The following RXRA variants were observed in gnomAD, a reference collection of about 807,000 sequenced individuals.
RXRA encodes retinoid X receptor alpha, also known as retinoic acid receptor RXR-alpha.
A neutral mutation model predicts 44.5 loss-of-function variants in RXRA; 5 were observed. That is an observed-to-expected ratio of 0.11 (90% CI 0.06 to 0.24). The LOEUF (loss-of-function observed/expected upper bound fraction) is 0.24. Ranked by LOEUF, RXRA falls within the 10% of genes least tolerant of loss-of-function variation. The pLI is 1.00. For missense variants in RXRA, 412 were observed against 646.5 expected, an observed-to-expected ratio of 0.64 and a Z score of 3.93; for synonymous variants, 291 against 271.4, an observed-to-expected ratio of 1.07 and a Z score of -0.71.
intron 1 of RXRA, among the ~76,000 whole-genome samples, chr9:134,381,227 G>A (rs1344156210): frequency 6.6e-6 from 1 of 152,194 alleles, no homozygotes; most frequent in Non-Finnish European, 1.5e-5. Context: ...GAAGAGGCAG[G>A]CGTATGGGAG....
Position 134,397,899 on chromosome 9 carries a change from G to T in RXRA, c.29-3733G>T, listed in dbSNP as rs12003995. On this transcript the variant is annotated intron_variant, in intron 1 of 9. Transcript: ENST00000481739. Reference sequence around the variant, plus strand: ...TCTGAGGCTGTCCCTGTGGTTTGGGGGTGAACCTGGAGGGCCACGGAAGTC... The same window carrying T: ...TCTGAGGCTGTCCCTGTGGTTTGGGTGTGAACCTGGAGGGCCACGGAAGTC... 6.4e-3 allele frequency among the ~76,000 whole-genome samples: 979 copies of T among 152,348 alleles called. 9 individuals are homozygous for T. Among genetic ancestry groups the T allele is most frequent in the Middle Eastern group, 0.024 (7 of 294 alleles).
intron 1 of RXRA, among the ~76,000 whole-genome samples, chr9:134,327,130 T>C (rs1348208346): frequency 6.6e-6 from 1 of 152,044 alleles, no homozygotes; most frequent in Non-Finnish European, 1.5e-5. Flanking sequence ...CCGCTGGCCC[T>C]TGGGTGTGTG....
intron 1 of RXRA, among the ~76,000 whole-genome samples, chr9:134,328,957 G>A (rs1220815378): frequency 1.3e-5 from 2 of 152,228 alleles, no homozygotes; most frequent in African/African-American, 2.4e-5. Flanking sequence ...AAGCAAGGCC[G>A]AGGGACTCGC....
intron 1 of RXRA, among the ~76,000 whole-genome samples, chr9:134,336,343 C>T (rs781833541): frequency 2.0e-5 from 3 of 152,320 alleles, no homozygotes; most frequent in Non-Finnish European, 2.9e-5. Flanking sequence ...CACCCCTTAG[C>T]GGCAACGTAG....
In RXRA at chr9:134,343,219, T is replaced by C. The variant is rs2119030859; in HGVS notation, c.28+16560T>C. On this transcript the variant is annotated intron_variant, in intron 1 of 9. Coordinates refer to ENST00000481739, the MANE Select transcript of RXRA (RefSeq NM_002957.6). This position sits in a 1 kb window ranked among gnomAD's most constrained non-coding sequence, Gnocchi z 4.1. Reference sequence around the variant, plus strand: ...GTGTCTCTCTCTCTGAGTGTCGACTTTCTCATCTGTGACGTGGGGTGAGGG... The same window carrying C: ...GTGTCTCTCTCTCTGAGTGTCGACTCTCTCATCTGTGACGTGGGGTGAGGG... Among the ~76,000 whole-genome samples the C allele has an allele frequency of 6.6e-6, 1 of 152,264 alleles. No individual in the cohort carries two copies. Among genetic ancestry groups the C allele is most frequent in the East Asian group, 1.9e-4 (1 of 5,164 alleles).
Position 134,401,837 on chromosome 9 carries a change from G to A in RXRA, c.234G>A (p.Ser78=), listed in dbSNP as rs1381254684. 7 of 1,612,416 alleles carry A rather than the reference G, an allele frequency of 4.3e-6. No individual in the cohort carries two copies. The highest frequency in any genetic ancestry group is 1.7e-4 in the Middle Eastern group (1 of 6,054). The change falls in exon 2 of 10, where the codon TCG becomes TCA. Residue 78 remains serine (S), a synonymous_variant. Coordinates refer to ENST00000481739, the MANE Select transcript of RXRA (RefSeq NM_002957.6). The part of the protein sequence containing the change: ...ISSPMGPHSM[S]VPTTPTLGFS... ...CCCCCATGGGCCCCCACTCCATGTC[G>A]GTGCCCACCACACCCACCCTGGGCT...
At chr9:134,370,073 T>G (rs1830471888) in intron 1 of RXRA, among the ~76,000 whole-genome samples, 1 of 151,996 alleles carries the variant, frequency 6.6e-6, no homozygotes, top group African/African-American at 2.4e-5. Context: ...CCCAGACAGG[T>G]GGGAATGGGG....
chr9:134,428,621 CT>C (rs1364266567), intron 6 of RXRA, among the ~76,000 whole-genome samples: 2 of 152,176 alleles, frequency 1.3e-5, no homozygotes, highest in Non-Finnish European at 2.9e-5. Flanking sequence ...ACCTTCCCCC[CT>C]GGGAATCCCC....
At chr9:134,398,068 C>T (rs1830905689) in intron 1 of RXRA, among the ~76,000 whole-genome samples, 1 of 152,188 alleles carries the variant, frequency 6.6e-6, no homozygotes, top group African/African-American at 2.4e-5. Context: ...CAACCTCCGC[C>T]TCCCAGGTTC....
At chr9:134,329,115 C>A (rs1834962277) in intron 1 of RXRA, among the ~76,000 whole-genome samples, 1 of 152,246 alleles carries the variant, frequency 6.6e-6, no homozygotes, top group Non-Finnish European at 1.5e-5. Flanking sequence ...CACACCAGAC[C>A]CCATGCGCCT....
At chr9:134,422,928 C>G (rs1427899674) in intron 6 of RXRA, 4 of 985,378 alleles carry the variant, frequency 4.1e-6, no homozygotes, top group Non-Finnish European at 4.8e-6. Context: ...GGCCGCAGCT[C>G]TCTTTCCATG....
chr9:134,439,147 A>AT lies in RXRA; in HGVS notation c.*2537dup. On this transcript the variant is annotated 3_prime_UTR_variant, in exon 10 of 10. Transcript: ENST00000481739. ...AAGGTGATTTTTTGTAATTATTATT[A>AT]TTTTGGTGGGACAATCTTTAATTTT... 1 of 152,206 alleles carries AT rather than the reference A, an allele frequency of 6.6e-6. No homozygotes were observed. The highest frequency in any genetic ancestry group is 1.9e-4 in the East Asian group (1 of 5,194). 9.4% of individuals were successfully genotyped at this position (152,206 alleles called of 1,614,324 possible).
In RXRA at chr9:134,408,145, C is replaced by T. The variant is rs779824306; in HGVS notation, c.280-4C>T. On this transcript the variant is annotated splice_polypyrimidine_tract_variant and splice_region_variant and intron_variant, in intron 2 of 9. Transcript: ENST00000481739. ...CCGCTGACTGCTGTGGTTGCCCCCC[C>T]CAGCTCAGCTCACCTATGAACCCCG... The T allele has an allele frequency of 1.0e-5, 16 of 1,547,502 alleles. No individual in the cohort carries two copies. The highest frequency in any genetic ancestry group is 1.4e-5 in the Non-Finnish European group (16 of 1,149,078).
chr9:134,422,515 G>T, intron 6 of RXRA: 2 of 1,204,964 alleles, frequency 1.7e-6, no homozygotes, highest in Non-Finnish European at 2.1e-6. Context: ...CCCCTCTCCC[G>T]GGACACTCCC....
Position 134,342,558 on chromosome 9 carries a change from G to A in RXRA, c.28+15899G>A, listed in dbSNP as rs543892822. Among the ~76,000 whole-genome samples the A allele has an allele frequency of 1.1e-4, 16 of 152,322 alleles. No homozygotes were observed. The Middle Eastern group carries it at 0.01, about 97-fold the overall frequency. ...CATCAGCGGGGGGCAGTGGGTTGGT[G>A]CAGGCAGAGTGGTAACAGCAAGCTG... On this transcript the variant is annotated intron_variant, in intron 1 of 9. Transcript: ENST00000481739. This position sits in a 1 kb window ranked among gnomAD's most constrained non-coding sequence, Gnocchi z 4.4.
intron 1 of RXRA, among the ~76,000 whole-genome samples, chr9:134,334,124 G>A (rs941241373): frequency 6.6e-6 from 1 of 152,260 alleles, no homozygotes; most frequent in Non-Finnish European, 1.5e-5. Context: ...GCCTGTGTTA[G>A]GTGTTGAGGC....
intron 1 of RXRA, among the ~76,000 whole-genome samples, chr9:134,375,264 G>A (rs762083168): frequency 3.9e-5 from 6 of 152,152 alleles, no homozygotes; most frequent in Non-Finnish European, 7.4e-5. Context: ...AGAGCAGGCC[G>A]GGCCAGAGCG....
Position 134,352,518 on chromosome 9 carries a change from G to T in RXRA, c.28+25859G>T, listed in dbSNP as rs1485997559. On this transcript the variant is annotated intron_variant, in intron 1 of 9. Coordinates refer to ENST00000481739, the MANE Select transcript of RXRA (RefSeq NM_002957.6). ...CCCTGCCCAGCAGTGGGCAGCAGTGGTCACCCGGCAGTGTGCAGACTGTGT... is the reference window on the plus strand; with the variant it reads ...CCCTGCCCAGCAGTGGGCAGCAGTGTTCACCCGGCAGTGTGCAGACTGTGT... Among the ~76,000 whole-genome samples the T allele has an allele frequency of 4.6e-5, 7 of 152,200 alleles. No individual in the cohort carries two copies. In the East Asian group the frequency reaches 1.3e-3, roughly 29 times the overall value.
At chr9:134,415,937 CAT>C (rs776062018) in intron 4 of RXRA, among the ~76,000 whole-genome samples, 1 of 152,188 alleles carries the variant, frequency 6.6e-6, no homozygotes, top group Non-Finnish European at 1.5e-5. Flanking sequence ...CTCTCTCAGC[CAT>C]AGTTTTCTCA....
Sources: allele counts gnomAD v4.1 joint callset (sites outside exome capture counted in the v4.1 genomes callset), GRCh38; gene constraint gnomAD v4.1.1; non-coding constraint Gnocchi (gnomAD v3.1); transcripts MANE v1.5; gene names NCBI Gene and HGNC (gene_info 2026-07-23, HGNC 2026-07-21).